Variants in CTSO observed in about 807,000 individuals in gnomAD.
CTSO encodes the protein cathepsin O.
CTSO carries 40 observed loss-of-function variants against 42.4 expected under a neutral mutation model. The observed-to-expected ratio is 0.94, with a 90% CI of 0.73 to 1.23. CTSO has a LOEUF of 1.23. Ranked by LOEUF, CTSO falls within the 50% of genes most tolerant of loss-of-function variation. The pLI is 0.00. For missense variants in CTSO, 441 were observed against 396.0 expected (o/e 1.11, Z -0.96); for synonymous variants, 156 against 146.2 (o/e 1.07, Z -0.48).
chr4:155,948,111 A>G (rs1420976421), intron 1 of CTSO, among the ~76,000 whole-genome samples: 2 of 152,132 alleles, frequency 1.3e-5, no homozygotes, highest in African/African-American at 4.8e-5. Context: ...AATGAGTTAC[A>G]AAGGGAGATA....
At chr4:155,934,249 C>T (rs572658697) in intron 5 of CTSO, among the ~76,000 whole-genome samples, 8 of 152,268 alleles carry the variant, frequency 5.3e-5, no homozygotes, top group East Asian at 1.9e-4. Flanking sequence ...GTTGAGCCTG[C>T]GGGTACATAG....
In CTSO at chr4:155,928,444, A is replaced by C; in HGVS notation, c.839-16T>G. ...GGAGTGCTTCCTACAGTGAAACATA[A>C]ATAGTAACAAATCCTGAAAACTCAA... On this transcript the variant is annotated splice_polypyrimidine_tract_variant and intron_variant, in intron 6 of 7. Coordinates refer to ENST00000433477, the MANE Select transcript of CTSO (RefSeq NM_001334.3). 1 of 1,545,912 alleles carries C rather than the reference A, an allele frequency of 6.5e-7. No individual in the cohort carries two copies. The highest frequency in any genetic ancestry group is 8.8e-7 in the Non-Finnish European group (1 of 1,136,812).
In CTSO at chr4:155,953,797, G is replaced by A. The variant is rs1743725065; in HGVS notation, c.51C>T (p.Cys17=). The change falls in exon 1 of 8, where the codon TGC becomes TGT. Residue 17 remains cysteine (C), a synonymous_variant. Coordinates refer to ENST00000433477, the MANE Select transcript of CTSO (RefSeq NM_001334.3). Reference sequence around the variant, plus strand: ...GGGAGTCCGCATCGCCGCCGCCCCGGCACAGCAGCCACAGCAGCCACGGCA... The same window carrying A: ...GGGAGTCCGCATCGCCGCCGCCCCGACACAGCAGCCACAGCAGCCACGGCA... ...PWLPWLLWLL[C]RGGGDADSRA... 2.2e-6 allele frequency: 3 copies of A among 1,351,256 alleles called. No homozygotes were observed. The highest frequency in any genetic ancestry group is 3.7e-5 in the South Asian group (2 of 54,376). The allele number at this position is 1,351,256 out of a possible 1,614,324, so 83.7% of individuals were successfully genotyped here.
chr4:155,945,965 T>C (rs1055264867), intron 1 of CTSO, among the ~76,000 whole-genome samples: 2 of 152,064 alleles, frequency 1.3e-5, no homozygotes, highest in African/African-American at 4.8e-5. Flanking sequence ...ACATGAGGTA[T>C]AGACTGGTAC....
chr4:155,941,496 C>T (rs1179623729), intron 3 of CTSO, among the ~76,000 whole-genome samples: 1 of 152,208 alleles, frequency 6.6e-6, no homozygotes, highest in Non-Finnish European at 1.5e-5. Flanking sequence ...ACTCCCATGT[C>T]CTCAGCACAC....
intron 1 of CTSO, among the ~76,000 whole-genome samples, chr4:155,949,401 T>C (rs1007218831): frequency 2.0e-5 from 3 of 152,034 alleles, no homozygotes; most frequent in African/African-American, 7.3e-5. Context: ...CTTCCACTAA[T>C]GATGATTTAT....
intron 3 of CTSO, among the ~76,000 whole-genome samples, chr4:155,940,552 C>A (rs1355129261): frequency 6.6e-6 from 1 of 152,146 alleles, no homozygotes; most frequent in Non-Finnish European, 1.5e-5. Flanking sequence ...GGTCTCCAAA[C>A]TTTGACAAAG....
At chr4:155,947,816 G>C (rs56940145) in intron 1 of CTSO, among the ~76,000 whole-genome samples, 3,825 of 152,160 alleles carry the variant, frequency 0.025, 128 homozygotes, top group African/African-American at 0.075. Flanking sequence ...TCTCAACAGA[G>C]GATATGATAG....
intron 4 of CTSO, among the ~76,000 whole-genome samples, chr4:155,938,504 G>A (rs935005072): frequency 9.2e-5 from 14 of 152,164 alleles, no homozygotes; most frequent in Non-Finnish European, 1.8e-4. Context: ...TGCTAAGAAC[G>A]CTGAGGGACA....
At chr4:155,948,677 T>TA (rs1030345888) in intron 1 of CTSO, among the ~76,000 whole-genome samples, 7 of 152,202 alleles carry the variant, frequency 4.6e-5, no homozygotes, top group African/African-American at 1.7e-4. Context: ...GCTGCAGTTT[T>TA]AAAATTCCTC....
chr4:155,928,400 A>G lies in CTSO; in HGVS notation c.867T>C (p.Asn289=), dbSNP rs1424780880. The G allele has an allele frequency of 6.2e-7, 1 of 1,613,200 alleles. No individual in the cohort carries two copies. Among genetic ancestry groups the G allele is most frequent in the South Asian group, 1.1e-5 (1 of 90,992 alleles). The stretch of plus-strand genomic sequence containing the variant: ...CTACTCCCCAAGAACTTCCCCAGGA[A>G]TTCCGCACAATCCAATATGGAGTGC... The part of the protein sequence containing the change: ...TGSTPYWIVR[N]SWGSSWGVDG... The change falls in exon 7 of 8, where the codon AAT becomes AAC. Residue 289 remains asparagine (N), a synonymous_variant. Transcript: ENST00000433477.
chr4:155,953,852 G>C lies in CTSO; in HGVS notation c.-5C>G, dbSNP rs1400265621. 15 of 1,276,782 alleles carry C rather than the reference G, an allele frequency of 1.2e-5. No homozygotes were observed. The highest frequency in any genetic ancestry group is 1.2e-5 in the Non-Finnish European group (12 of 1,015,406). The allele number at this position is 1,276,782 out of a possible 1,614,324, so 79.1% of individuals were successfully genotyped here. A position where few individuals can be genotyped will look rare whatever the true frequency, so the allele number is the denominator to read the frequency against. ...CGGCAGCGCCCGCACGTCCATTGCG[G>C]CGCCCGGCTCCTCTGCCGCCCGCGC... is the stretch of plus-strand genomic sequence containing the variant. On this transcript the variant is annotated 5_prime_UTR_variant, in exon 1 of 8. Coordinates refer to ENST00000433477, the MANE Select transcript of CTSO (RefSeq NM_001334.3).
At position 155,939,522 on chromosome 4, in the gene CTSO, GC is replaced by G; in HGVS notation, c.400del (p.Ala134ProfsTer14). The G allele has an allele frequency of 6.2e-7, 1 of 1,613,690 alleles. No individual in the cohort carries two copies. The part of the protein sequence containing the change: ...RNQQMCGGCW[A>X]FSVVGAVESA... The stretch of plus-strand genomic sequence containing the variant: ...TTCCACTGCCCCCACCACGCTGAAG[GC>G]CCAGCATCCTCCACACTGTTTAAAA... On this transcript the variant is annotated frameshift_variant, in exon 4 of 8. Transcript: ENST00000433477. LOFTEE classifies it high-confidence loss of function.
chr4:155,944,329 T>A (rs1305893823), intron 1 of CTSO, among the ~76,000 whole-genome samples: 1 of 152,194 alleles, frequency 6.6e-6, no homozygotes. Context: ...ATCAACAAAT[T>A]AATAAAGTTT....
intron 1 of CTSO, among the ~76,000 whole-genome samples, chr4:155,949,867 A>G (rs1560791720): frequency 6.6e-6 from 1 of 152,212 alleles, no homozygotes; most frequent in East Asian, 1.9e-4. Flanking sequence ...TGCCACTGGC[A>G]TCTGGTGCAT....
At position 155,929,089 on chromosome 4, in the gene CTSO, A is replaced by G. The variant is rs117548815; in HGVS notation, c.838+453T>C. Among the ~76,000 whole-genome samples the G allele has an allele frequency of 6.4e-4, 97 of 152,358 alleles. 2 individuals carry two copies. The East Asian group carries it at 0.018, about 29-fold the overall frequency. On this transcript the variant is annotated intron_variant, in intron 6 of 7. Transcript: ENST00000433477. ...TTAAGCCACAAACAATAACATCAGC[A>G]ATCTTGTGCCTTAAGGACATGCTCC...
intron 4 of CTSO, among the ~76,000 whole-genome samples, chr4:155,937,772 G>T (rs527796564): frequency 1.3e-5 from 2 of 151,916 alleles, no homozygotes; most frequent in South Asian, 4.2e-4. Context: ...GAGCCACCAC[G>T]CCAGGCTAAT....
chr4:155,947,076 G>A (rs11727105), intron 1 of CTSO, among the ~76,000 whole-genome samples: 24,614 of 152,134 alleles, frequency 0.16, 2,541 homozygotes, highest in Non-Finnish European at 0.24. Flanking sequence ...TAGCCAGGAT[G>A]GTCTCAATCT....
In CTSO at chr4:155,950,955, C is replaced by A. The variant is rs116756401; in HGVS notation, c.135+2758G>T. ...GGTAGAAAATAGGTTTTAAAGCTTT[C>A]TTGGATAAAGCCTATTTGGAGGACC... On this transcript the variant is annotated intron_variant, in intron 1 of 7. Transcript: ENST00000433477. 5.3e-3 allele frequency among the ~76,000 whole-genome samples: 808 copies of A among 151,926 alleles called. 7 individuals are homozygous for A. Among genetic ancestry groups the A allele is most frequent in the African/African-American group, 0.019 (780 of 41,366 alleles).
Sources: gnomAD v4.1 joint callset for allele counts (sites outside exome capture counted in the v4.1 genomes callset) on GRCh38, gnomAD v4.1.1 for gene constraint, MANE v1.5 for transcripts, NCBI Gene and HGNC (gene_info 2026-07-23, HGNC 2026-07-21) for gene names.